The following TCF7L2 variants were observed in gnomAD, a reference collection of about 807,000 sequenced individuals.
TCF7L2 encodes the protein transcription factor 7-like 2.
In TCF7L2, 23 loss-of-function variants were observed where a neutral mutation model predicts 77.9. That is an observed-to-expected ratio of 0.30 (90% CI 0.21 to 0.42). The LOEUF is 0.42. TCF7L2 is among the 10% of genes least tolerant of loss of function. The probability of loss-of-function intolerance (pLI) is 1.00; values close to 1 mark genes in which losing one functional copy is unlikely to be tolerated. For synonymous variants in TCF7L2, 413 were observed against 340.2 expected (o/e 1.21, Z -2.36); for missense variants, 654 against 793.1 (o/e 0.82, Z 2.11).
intron 4 of TCF7L2, among the ~76,000 whole-genome samples, chr10:112,972,077 T>C (rs1190190670): frequency 6.6e-6 from 1 of 152,166 alleles, no homozygotes; most frequent in Non-Finnish European, 1.5e-5. Flanking sequence ...GGGTTGTGAT[T>C]TTCAACCTAT....
chr10:113,081,661 G>A (rs1353240267), intron 5 of TCF7L2, among the ~76,000 whole-genome samples: 2 of 152,186 alleles, frequency 1.3e-5, no homozygotes, highest in Non-Finnish European at 2.9e-5. Context: ...AAGATTGCAA[G>A]GAGAGTTCAT....
chr10:113,025,334 G>A (rs1281226045), intron 4 of TCF7L2, among the ~76,000 whole-genome samples: 1 of 151,458 alleles, frequency 6.6e-6, no homozygotes, highest in African/African-American at 2.4e-5. Context: ...CGCCTCCTGG[G>A]TTCAAGTGAT....
At chr10:113,007,047 C>G (rs1364869540) in intron 4 of TCF7L2, among the ~76,000 whole-genome samples, 4 of 152,224 alleles carry the variant, frequency 2.6e-5, no homozygotes, top group Non-Finnish European at 4.4e-5. Context: ...TTCCCTTCAG[C>G]ATTGGCATCT....
chr10:113,158,361 G>A (rs529195432), intron 12 of TCF7L2, among the ~76,000 whole-genome samples: 20 of 152,234 alleles, frequency 1.3e-4, no homozygotes, highest in South Asian at 1.2e-3. Flanking sequence ...TGCCTATGCC[G>A]GGATTTATAC....
chr10:112,990,711 TAAATAAATAAA>T (rs1447327321), intron 4 of TCF7L2, among the ~76,000 whole-genome samples: 1 of 151,776 alleles, frequency 6.6e-6, no homozygotes, highest in East Asian at 1.9e-4. Context: ...GTCTCAATAA[TAAATAAATAAA>T]TAAATAAAAA....
intron 4 of TCF7L2, among the ~76,000 whole-genome samples, chr10:113,031,338 A>C (rs897486551): frequency 7.9e-5 from 12 of 152,218 alleles, no homozygotes; most frequent in Non-Finnish European, 1.8e-4. Context: ...GTTGATGTTG[A>C]CTGATGGTCA....
intron 5 of TCF7L2, among the ~76,000 whole-genome samples, chr10:113,063,242 G>A (rs866236433): frequency 6.6e-6 from 1 of 152,096 alleles, no homozygotes; most frequent in African/African-American, 2.4e-5. Context: ...TAGTGTTTGG[G>A]GTTGCAAATT....
rs765140709 is a variant in TCF7L2 at position 113,165,736 on chromosome 10, C to G, written c.1573C>G (p.Pro525Ala). ...TCTGTCGCTGTCCCTGAAGCCCGAC[C>G]CCCTGGCCCACCTGTCCATGATGCC... The change falls in exon 14 of 14, where the codon CCC becomes GCC. Residue 525 changes from proline (P) to alanine (A), a missense_variant. Around this residue, in one of 6 missense-constraint regions of TCF7L2, gnomAD observed 272 missense variants for 215.4 expected, o/e 1.26. Transcript: ENST00000627217. The G allele has an allele frequency of 2.5e-6, 4 of 1,612,926 alleles. No homozygotes were observed. In the East Asian group the frequency reaches 8.9e-5, roughly 36 times the overall value.
At chr10:113,027,589 T>C (rs2049412610) in intron 4 of TCF7L2, among the ~76,000 whole-genome samples, 1 of 152,212 alleles carries the variant, frequency 6.6e-6, no homozygotes, top group Non-Finnish European at 1.5e-5. Flanking sequence ...TCCCAGTGTT[T>C]CACAGGAGAC....
chr10:113,136,273 T>C (rs1309245240), intron 5 of TCF7L2, among the ~76,000 whole-genome samples: 2 of 152,104 alleles, frequency 1.3e-5, no homozygotes, highest in Non-Finnish European at 2.9e-5. Context: ...TGAGCTGTGC[T>C]GGTGTGGATG....
At chr10:113,051,232 C>CACAG (rs1564828339) in intron 5 of TCF7L2, among the ~76,000 whole-genome samples, 4 of 148,894 alleles carry the variant, frequency 2.7e-5, no homozygotes. Context: ...CACACACACA[C>CACAG]ACACACACAC....
chr10:113,065,317 G>A (rs1477701380), intron 5 of TCF7L2, among the ~76,000 whole-genome samples: 1 of 152,210 alleles, frequency 6.6e-6, no homozygotes, highest in Non-Finnish European at 1.5e-5. Flanking sequence ...CATTTTAGGT[G>A]GAGTCAAGGG....
chr10:112,975,785 A>C (rs147721146), intron 4 of TCF7L2, among the ~76,000 whole-genome samples: 56 of 152,302 alleles, frequency 3.7e-4, no homozygotes, highest in African/African-American at 1.3e-3. Context: ...GTCGGCCTGT[A>C]GGGTGTTTAT....
chr10:113,009,239 C>G (rs1414631697), intron 4 of TCF7L2, among the ~76,000 whole-genome samples: 1 of 152,194 alleles, frequency 6.6e-6, no homozygotes, highest in Non-Finnish European at 1.5e-5. Flanking sequence ...AATAAAGATA[C>G]TCCTTCCAAG....
At position 113,084,909 on chromosome 10, in the gene TCF7L2, C is replaced by T. The variant is rs374769806; in HGVS notation, c.552+44783C>T. 4.8e-3 allele frequency among the ~76,000 whole-genome samples: 700 copies of T among 147,106 alleles called. 4 individuals carry two copies. Among genetic ancestry groups the T allele is most frequent in the African/African-American group, 0.016 (646 of 39,750 alleles). ...AGACTCTGTCTCAAGCCACCCCCCCCCAAAAAAAAAAAACAAAAAACCCTG... is the reference window on the plus strand; with the variant it reads ...AGACTCTGTCTCAAGCCACCCCCCCTCAAAAAAAAAAAACAAAAAACCCTG... On this transcript the variant is annotated intron_variant, in intron 5 of 13. Coordinates refer to ENST00000627217, the MANE Select transcript of TCF7L2 (RefSeq NM_001146274.2).
chr10:113,166,153 C>T lies in TCF7L2; in HGVS notation c.*181C>T, dbSNP rs2074031391. On this transcript the variant is annotated 3_prime_UTR_variant, in exon 14 of 14. Transcript: ENST00000627217. ...ATTTGACCCATTCTTATTTCAATTTCTCCTTTTAAATATGTAGATGAGAGA... is the reference window on the plus strand; with the variant it reads ...ATTTGACCCATTCTTATTTCAATTTTTCCTTTTAAATATGTAGATGAGAGA... 1.9e-5 allele frequency: 10 copies of T among 525,640 alleles called. 1 individual carries two copies. The East Asian group carries it at 3.5e-4, about 18-fold the overall frequency. 32.6% of individuals were successfully genotyped at this position (525,640 alleles called of 1,614,324 possible).
intron 5 of TCF7L2, among the ~76,000 whole-genome samples, chr10:113,110,743 A>G (rs955289508): frequency 6.6e-6 from 1 of 152,234 alleles, no homozygotes; most frequent in Admixed American, 6.5e-5. Flanking sequence ...GTATGGAAGT[A>G]CAAGAAAGCC....
At chr10:113,110,917 GA>G (rs1207921539) in intron 5 of TCF7L2, among the ~76,000 whole-genome samples, 3 of 151,968 alleles carry the variant, frequency 2.0e-5, no homozygotes, top group African/African-American at 2.4e-5. Context: ...AGATTGGTAT[GA>G]AAAAAGGGGA....
intron 4 of TCF7L2, among the ~76,000 whole-genome samples, chr10:113,036,115 C>CCATCATCAT (rs71869784): frequency 2.0e-5 from 3 of 146,480 alleles, no homozygotes; most frequent in South Asian, 2.2e-4. Flanking sequence ...ATCATCATCA[C>CCATCATCAT]CATCATCATC....
Sources: allele counts gnomAD v4.1 joint callset (sites outside exome capture counted in the v4.1 genomes callset), GRCh38; gene constraint gnomAD v4.1.1; regional missense constraint gnomAD v4.1.1; transcripts MANE v1.5; gene names NCBI Gene and HGNC (gene_info 2026-07-23, HGNC 2026-07-21).